Variants in TOR3A observed in about 807,000 individuals in gnomAD.
TOR3A encodes the protein torsin family 3 member A.
In TOR3A, 44 loss-of-function variants were observed where a neutral mutation model predicts 42.1. That is an observed-to-expected ratio of 1.04 (90% CI 0.82 to 1.34). The LOEUF is 1.34. Among genes scored for constraint, TOR3A ranks in the 40% most tolerant of loss-of-function variants. The probability of loss-of-function intolerance (pLI) is 0.00; values close to 1 mark genes in which losing one functional copy is unlikely to be tolerated. For missense variants in TOR3A, 521 were observed against 507.6 expected (o/e 1.03, Z -0.25); for synonymous variants, 227 against 213.2 (o/e 1.06, Z -0.57).
intron 3 of TOR3A, among the ~76,000 whole-genome samples, chr1:179,086,264 G>A (rs752927617): frequency 4.1e-4 from 63 of 152,262 alleles, no homozygotes; most frequent in Non-Finnish European, 1.8e-4. Context: ...GTCAGCTAAG[G>A]AGAGGTAGCA....
chr1:179,090,111 T>C (rs917370595), intron 4 of TOR3A, among the ~76,000 whole-genome samples: 1 of 28,486 alleles, frequency 3.5e-5, no homozygotes, highest in Middle Eastern at 0.017. Context: ...GTGGGCGGGG[T>C]GGGGGGGGGG....
intron 4 of TOR3A, among the ~76,000 whole-genome samples, chr1:179,089,938 C>T (rs992651945): frequency 2.0e-5 from 3 of 152,208 alleles, no homozygotes; most frequent in Non-Finnish European, 4.4e-5. Context: ...AAAACCTCAC[C>T]TGGGCCGTGA....
chr1:179,087,128 CAG>C (rs1303214010), intron 3 of TOR3A, among the ~76,000 whole-genome samples: 3 of 152,372 alleles, frequency 2.0e-5, no homozygotes, highest in South Asian at 4.1e-4. Flanking sequence ...ACCCAGTAGA[CAG>C]GGAGTGTGGG....
At chr1:179,082,751 T>C in intron 1 of TOR3A, 189 bp from the exon 2 acceptor site, 1 of 704,776 alleles carries the variant, frequency 1.4e-6, no homozygotes, top group Non-Finnish European at 2.6e-6. Flanking sequence ...ACATGCCTGG[T>C]GACTGCCGTC....
chr1:179,082,155 T>C lies in TOR3A; in HGVS notation c.27T>C (p.Leu9=), dbSNP rs764581304. The C allele has an allele frequency of 1.1e-5, 17 of 1,510,510 alleles. No individual in the cohort carries two copies. Among genetic ancestry groups the C allele is most frequent in the African/African-American group, 1.4e-5 (1 of 69,032 alleles). The allele number at this position is 1,510,510 out of a possible 1,614,324, so 93.6% of individuals were successfully genotyped here. The change falls in exon 1 of 6, where the codon CTT becomes CTC. Residue 9 remains leucine, a synonymous_variant. Coordinates refer to ENST00000367627, the MANE Select transcript of TOR3A (RefSeq NM_022371.4). MLRGPWRQ[L]WLFFLLLLPG... ...TGCTTCGCGGTCCGTGGCGCCAGCT[T>C]TGGCTCTTTTTCCTGCTGCTGCTCC... is the stretch of plus-strand genomic sequence containing the variant.
intron 3 of TOR3A, among the ~76,000 whole-genome samples, chr1:179,086,572 C>T (rs1032176805): frequency 6.6e-6 from 1 of 150,856 alleles, no homozygotes; most frequent in Admixed American, 6.6e-5. Flanking sequence ...AGGCTGAGGC[C>T]GGAGAATGGC....
rs57761365 is a variant in TOR3A at position 179,089,337 on chromosome 1, A to AAT, written c.818+1248_818+1249insAT. On this transcript the variant is annotated intron_variant, in intron 4 of 5. Coordinates refer to ENST00000367627, the MANE Select transcript of TOR3A (RefSeq NM_022371.4). ...ACTCCATCTCAAAAAAAAAAAAAAA[A>AAT]GTGAAACAGGTTTAAGCCGTTGCTG... Among the ~76,000 whole-genome samples, 7 of 144,788 alleles carry AAT rather than the reference A, an allele frequency of 4.8e-5. No homozygotes were observed. In the East Asian group the frequency reaches 1.2e-3, roughly 25 times the overall value. 95.0% of individuals were successfully genotyped at this position (144,788 alleles called of 152,430 possible). A position where few individuals can be genotyped will look rare whatever the true frequency, so the allele number is the denominator to read the frequency against.
chr1:179,088,045 G>A lies in TOR3A; in HGVS notation c.774G>A (p.Glu258=). The A allele has an allele frequency of 6.2e-7, 1 of 1,611,736 alleles. No homozygotes were observed. Among genetic ancestry groups the A allele is most frequent in the African/African-American group, 1.3e-5 (1 of 74,928 alleles). ...LGPHLERRAP[E]GHRAESPWTI... is the part of the protein sequence containing the mutation. ...CACACTTAGAACGCCGGGCCCCTGA[G>A]GGCCACAGGGCTGAGTCTCCATGGA... Residue 258 remains glutamate, a synonymous_variant, in exon 4 of 6, where the codon GAG becomes GAA. Coordinates refer to ENST00000367627, the MANE Select transcript of TOR3A (RefSeq NM_022371.4).
At position 179,095,677 on chromosome 1, in the gene TOR3A, G is replaced by A; in HGVS notation, c.*459G>A. 1 of 1,003,818 alleles carries A rather than the reference G, an allele frequency of 1.0e-6. No individual in the cohort carries two copies. Among genetic ancestry groups the A allele is most frequent in the Non-Finnish European group, 1.2e-6 (1 of 841,056 alleles). 62.2% of individuals were successfully genotyped at this position (1,003,818 alleles called of 1,614,324 possible). The stretch of plus-strand genomic sequence containing the variant: ...GCCTCAGAGGCTGTAGGGTCCTTGG[G>A]TTACAGAGCCGGGGAGAACGAAGTT... On this transcript the variant is annotated 3_prime_UTR_variant, in exon 6 of 6. Transcript: ENST00000367627.
In TOR3A at chr1:179,089,202, T is replaced by G. The variant is rs540057960; in HGVS notation, c.818+1113T>G. On this transcript the variant is annotated intron_variant, in intron 4 of 5. Transcript: ENST00000367627. ...TGGGTGTGGTGGCAGGTGCCTGTAA[T>G]CCCAGCTACTCGGGAGGCTGAGGCA... Among the ~76,000 whole-genome samples the G allele has an allele frequency of 8.6e-4, 130 of 151,816 alleles. 1 individual carries two copies. Among genetic ancestry groups the G allele is most frequent in the African/African-American group, 3.0e-3 (124 of 41,348 alleles).
rs768783910 is a variant in TOR3A, at chr1:179,083,055, T to C, written c.373+2T>C. 36 of 1,513,914 alleles carry C rather than the reference T, an allele frequency of 2.4e-5. No homozygotes were observed. Among genetic ancestry groups the C allele is most frequent in the Non-Finnish European group, 2.9e-5 (33 of 1,128,298 alleles). 93.8% of individuals were successfully genotyped at this position (1,513,914 alleles called of 1,614,324 possible). On this transcript the variant is annotated splice_donor_variant, in intron 2 of 5. Coordinates refer to ENST00000367627, the MANE Select transcript of TOR3A (RefSeq NM_022371.4). LOFTEE classifies it high-confidence loss of function. The stretch of plus-strand genomic sequence containing the variant: ...GCAGAATCTCCAACAACTTTACAGG[T>C]TGGACCCCGCATGGCTTCAAGGGGC...
chr1:179,094,003 C>G, intron 4 of TOR3A, 90 bp from the exon 5 acceptor site: 1 of 1,493,122 alleles, frequency 6.7e-7, no homozygotes, highest in Non-Finnish European at 9.0e-7. Flanking sequence ...TCTATTCTTC[C>G]AGGCACTAAT....
chr1:179,085,567 C>T, intron 2 of TOR3A, 61 bp from the exon 3 acceptor site: 1 of 1,575,062 alleles, frequency 6.3e-7, no homozygotes, highest in Non-Finnish European at 8.7e-7. Context: ...TGGCTGTTGG[C>T]TGTTGTGGTG....
chr1:179,090,758 T>G (rs1216294641), intron 4 of TOR3A, among the ~76,000 whole-genome samples: 1 of 152,122 alleles, frequency 6.6e-6, no homozygotes, highest in Non-Finnish European at 1.5e-5. Flanking sequence ...CTGCCAAGTA[T>G]AGAAGGCTGC....
intron 4 of TOR3A, chr1:179,088,438 G>T (rs1652494553): frequency 6.2e-6 from 1 of 160,450 alleles, no homozygotes; most frequent in Admixed American, 6.3e-5. Flanking sequence ...AACCCAGGAG[G>T]TGGGGGTTGC....
chr1:179,085,261 TA>T, intron 2 of TOR3A: 1 of 205,304 alleles, frequency 4.9e-6, no homozygotes, highest in Non-Finnish European at 1.0e-5. Flanking sequence ...CCGTCTCTAC[TA>T]AAAATACAAA....
In TOR3A at chr1:179,087,960, C is replaced by A. The variant is rs1338746326; in HGVS notation, c.689C>A (p.Thr230Asn). 1.2e-6 allele frequency: 2 copies of A among 1,611,916 alleles called. No individual in the cohort carries two copies. Among genetic ancestry groups the A allele is most frequent in the Non-Finnish European group, 1.7e-6 (2 of 1,179,012 alleles). Residue 230 changes from threonine to asparagine, a missense_variant, in exon 4 of 6, where the codon ACC becomes AAC. Thr to Asn is a moderately conservative substitution (Grantham distance 65). Transcript: ENST00000367627. ...IRETQQLCHQ[T>N]LFIFDEAEKL... ...GAGACGCAGCAGCTCTGCCACCAGA[C>A]CCTGTTCATCTTCGATGAAGCGGAG... is the stretch of plus-strand genomic sequence containing the variant.
chr1:179,082,438 C>A, intron 1 of TOR3A, 51 bp downstream of exon 1: 4 of 1,551,492 alleles, frequency 2.6e-6, no homozygotes, highest in Non-Finnish European at 3.5e-6. Flanking sequence ...AGAGTGCGAT[C>A]CGGGCGCGGC....
At position 179,082,379 on chromosome 1, in the gene TOR3A, G is replaced by A. The variant is rs750289201; in HGVS notation, c.251G>A (p.Gly84Glu). The change falls in exon 1 of 6, where the codon GGG (glycine) becomes GAG (glutamate). Residue 84 changes from glycine to glutamate, a missense_variant. Coordinates refer to ENST00000367627, the MANE Select transcript of TOR3A (RefSeq NM_022371.4). ...GACGAGGACGAGGAGGCAGCCACGG[G>A]GCCCCTGGGTAAGACCCCGTCCCCA... The part of the protein sequence containing the change: ...DCDEDEEAAT[G>E]PLGWRLPLLG... 6.2e-7 allele frequency: 1 copy of A among 1,604,636 alleles called. No individual in the cohort carries two copies. Among genetic ancestry groups the A allele is most frequent in the South Asian group, 1.1e-5 (1 of 90,334 alleles).
Sources: gnomAD v4.1 joint callset for allele counts (sites outside exome capture counted in the v4.1 genomes callset) on GRCh38, gnomAD v4.1.1 for gene constraint, MANE v1.5 for transcripts, NCBI Gene and HGNC (gene_info 2026-07-23, HGNC 2026-07-21) for gene names.